The following REV3L variants were observed in gnomAD, a reference collection of about 807,000 sequenced individuals.
The protein encoded by REV3L is DNA polymerase zeta catalytic subunit.
REV3L carries 69 observed loss-of-function variants against 299.4 expected under a neutral mutation model. The observed-to-expected ratio is 0.23, with a 90% confidence interval of 0.19 to 0.28. The LOEUF is 0.28. Among genes scored for constraint, REV3L ranks in the 10% least tolerant of loss-of-function variants. The probability of loss-of-function intolerance (pLI) is 1.00; values close to 1 mark genes in which losing one functional copy is unlikely to be tolerated. For missense variants in REV3L, 3,128 were observed against 3,693.8 expected (o/e 0.85, Z 3.97); for synonymous variants, 1,238 against 1,271.4 (o/e 0.97, Z 0.56).
Position 111,405,522 on chromosome 6 carries a change from G to A in REV3L, c.513C>T (p.Gly171=), listed in dbSNP as rs767870575. The change falls in exon 4 of 32, where the codon GGC becomes GGT. Residue 171 remains glycine, a synonymous_variant. Transcript: ENST00000368802. ...LQLFIDYNLY[G]MNLINLAAVK... ...CAGCAGCCAGATTTATTAAATTCAT[G>A]CCATAAAGATTGTAGTCAATGAAGA... is the stretch of plus-strand genomic sequence containing the variant. 9 of 1,606,790 alleles carry A rather than the reference G, an allele frequency of 5.6e-6. No individual in the cohort carries two copies. Among genetic ancestry groups the A allele is most frequent in the Non-Finnish European group, 7.6e-6 (9 of 1,176,994 alleles).
chr6:111,303,685 TTTTAACAGACTATGAC>T lies in REV3L; in HGVS notation c.9253-3545_9253-3530del, dbSNP rs1418112220. The stretch of plus-strand genomic sequence containing the variant: ...CCCAGCCGAGGCTTTTTTTTTTTTT[TTTTAACAGACTATGAC>T]TTTTTTTTTTTTTTTTTTTTTTTTT... On this transcript the variant is annotated intron_variant, in intron 31 of 31. Transcript: ENST00000368802. Among the ~76,000 whole-genome samples, 36 of 83,884 alleles carry T rather than the reference TTTTAACAGACTATGAC, an allele frequency of 4.3e-4. 7 individuals are homozygous for T. Among genetic ancestry groups the T allele is most frequent in the East Asian group, 2.1e-3 (6 of 2,878 alleles). The allele number at this position is 83,884 out of a possible 152,430, so 55.0% of individuals were successfully genotyped here.
chr6:111,363,868 T>C lies in REV3L; in HGVS notation c.6864A>G (p.Ala2288=), dbSNP rs1183108834. Residue 2288 remains alanine (A), a synonymous_variant, in exon 16 of 32, where the codon GCA becomes GCG. Transcript: ENST00000368802. ...FKVSIQNLQE[A]KALHEIQNLT... ...GCAGTTTTACCTCATGTAAAGCTTT[T>C]GCCTCCTGTAAGTTTTGTATGCTGA... 2.5e-6 allele frequency: 4 copies of C among 1,613,452 alleles called. No individual in the cohort carries two copies. Among genetic ancestry groups the C allele is most frequent in the Non-Finnish European group, 3.4e-6 (4 of 1,179,686 alleles).
At chr6:111,330,101 T>G (rs559014074) in intron 24 of REV3L, among the ~76,000 whole-genome samples, 1 of 152,318 alleles carries the variant, frequency 6.6e-6, no homozygotes, top group South Asian at 2.1e-4. Flanking sequence ...ACATGGGACT[T>G]GTATCACTCA....
rs1447791172 is a variant in REV3L at position 111,373,507 on chromosome 6, T to C, written c.4848A>G (p.Val1616=). ...AAAAAAAGATGGGACTATCATCTGA[T>C]ACAGAGTTATCCAACTGGCTAGAGT... ...LQNSSQLDNS[V]SDDSPIFFSD... is the part of the protein sequence containing the mutation. The change falls in exon 13 of 32, where the codon GTA becomes GTG. Residue 1616 remains valine (V), a synonymous_variant. Coordinates refer to ENST00000368802, the MANE Select transcript of REV3L (RefSeq NM_001372078.1). The C allele has an allele frequency of 6.2e-7, 1 of 1,613,550 alleles. No individual in the cohort carries two copies. Among genetic ancestry groups the C allele is most frequent in the Admixed American group, 1.7e-5 (1 of 59,882 alleles).
chr6:111,304,572 A>C (rs1206168206), intron 31 of REV3L, among the ~76,000 whole-genome samples: 1 of 152,074 alleles, frequency 6.6e-6, no homozygotes, highest in Admixed American at 6.6e-5. Context: ...AGCTCTTGAA[A>C]GATGACAAAC....
intron 31 of REV3L, among the ~76,000 whole-genome samples, chr6:111,305,886 C>T (rs192633434): frequency 4.6e-5 from 7 of 152,216 alleles, no homozygotes; most frequent in Non-Finnish European, 8.8e-5. Context: ...GCTGGGAGCA[C>T]CCAGTGACTT....
Position 111,299,956 on chromosome 6 carries a change from C to T in REV3L, c.*60G>A. 6.6e-7 allele frequency: 1 copy of T among 1,521,186 alleles called. No homozygotes were observed. The highest frequency in any genetic ancestry group is 1.3e-5 in the South Asian group (1 of 79,092). 94.2% of individuals were successfully genotyped at this position (1,521,186 alleles called of 1,614,324 possible). A position where few individuals can be genotyped will look rare whatever the true frequency, so the allele number is the denominator to read the frequency against. On this transcript the variant is annotated 3_prime_UTR_variant, in exon 32 of 32. Coordinates refer to ENST00000368802, the MANE Select transcript of REV3L (RefSeq NM_001372078.1). ...GATGAAAGTTAAAAAGCACCATGCA[C>T]AACAGTTTAGTGGTAAGCACTGAAA...
intron 1 of REV3L, among the ~76,000 whole-genome samples, chr6:111,453,755 G>A (rs1789829604): frequency 6.6e-6 from 1 of 152,070 alleles, no homozygotes; most frequent in African/African-American, 2.4e-5. Flanking sequence ...AGGCTGAGGC[G>A]GGTAGATCAC....
At position 111,381,352 on chromosome 6, in the gene REV3L, G is replaced by T. The variant is rs140541941; in HGVS notation, c.1189C>A (p.Gln397Lys). ...AAAACAGGTGACTCACTCAGTCTTT[G>T]GGTCAAAGGCTGAAAAGTCTGACTA... ...ENSQTFQPLTQRLSESPVFMD... is the reference protein window; with the variant it reads ...ENSQTFQPLTKRLSESPVFMD... The change falls in exon 10 of 32, where the codon CAA (glutamine) becomes AAA (lysine). Residue 397 changes from glutamine (Q) to lysine (K), a missense_variant. Coordinates refer to ENST00000368802, the MANE Select transcript of REV3L (RefSeq NM_001372078.1). 1 of 1,613,388 alleles carries T rather than the reference G, an allele frequency of 6.2e-7. No homozygotes were observed. The highest frequency in any genetic ancestry group is 8.5e-7 in the Non-Finnish European group (1 of 1,179,836).
intron 13 of REV3L, among the ~76,000 whole-genome samples, chr6:111,370,077 C>T (rs1562198460): frequency 6.6e-6 from 1 of 152,142 alleles, no homozygotes; most frequent in Non-Finnish European, 1.5e-5. Flanking sequence ...GTGATCTGCC[C>T]ACCTTGGCCT....
chr6:111,427,818 A>G (rs1786365874), intron 1 of REV3L, among the ~76,000 whole-genome samples: 1 of 152,166 alleles, frequency 6.6e-6, no homozygotes. Flanking sequence ...ACCACCAGAA[A>G]TAAAGAGAAG....
intron 1 of REV3L, among the ~76,000 whole-genome samples, chr6:111,465,560 C>A (rs1301394739): frequency 6.6e-6 from 1 of 150,588 alleles, no homozygotes; most frequent in Non-Finnish European, 1.5e-5. Flanking sequence ...ATGGTGAAAC[C>A]CCATCTCTTC....
intron 1 of REV3L, among the ~76,000 whole-genome samples, chr6:111,449,560 AT>A (rs774877222): frequency 1.3e-5 from 2 of 152,216 alleles, no homozygotes; most frequent in Non-Finnish European, 2.9e-5. Context: ...GGAATAACTT[AT>A]GTTTCATCTA....
At position 111,387,910 on chromosome 6, in the gene REV3L, T is replaced by C. The variant is rs776769825; in HGVS notation, c.951A>G (p.Thr317=). 3.1e-6 allele frequency: 5 copies of C among 1,613,832 alleles called. No homozygotes were observed. In the South Asian group the frequency reaches 3.3e-5, roughly 11 times the overall value. Residue 317 remains threonine (T), a synonymous_variant, in exon 9 of 32, where the codon ACA becomes ACG. Coordinates refer to ENST00000368802, the MANE Select transcript of REV3L (RefSeq NM_001372078.1). The part of the protein sequence containing the change: ...EILKQNDFSV[T]LSGSVDYSDG... ...CGCTGTAGTCCACAGATCCTGATAATGTTCTGCTTAATTAAAACATATCCT... is the reference window on the plus strand; with the variant it reads ...CGCTGTAGTCCACAGATCCTGATAACGTTCTGCTTAATTAAAACATATCCT...
chr6:111,367,342 A>G lies in REV3L; in HGVS notation c.6446T>C (p.Val2149Ala). The change falls in exon 14 of 32, where the codon GTA becomes GCA. Residue 2149 changes from valine to alanine, a missense_variant. Around this residue, in one of 9 missense-constraint regions of REV3L, gnomAD observed 2,409 missense variants for 2,611.8 expected, o/e 0.92. Coordinates refer to ENST00000368802, the MANE Select transcript of REV3L (RefSeq NM_001372078.1). ...LNGDDRPSSP[V>A]EELPSLAFEN... ...AAAAGCCAATGAAGGCAGCTCCTCT[A>G]CTGGTGATGAGGGTCTATCATCTCC... is the stretch of plus-strand genomic sequence containing the variant. 1 of 1,607,486 alleles carries G rather than the reference A, an allele frequency of 6.2e-7. No individual in the cohort carries two copies. Among genetic ancestry groups the G allele is most frequent in the Non-Finnish European group, 8.5e-7 (1 of 1,177,608 alleles).
intron 1 of REV3L, chr6:111,430,618 G>C (rs1786786634): frequency 2.0e-6 from 3 of 1,527,828 alleles, no homozygotes; most frequent in Admixed American, 1.7e-5. Context: ...ACCTCGCAGA[G>C]TGGGGAGGAC....
intron 31 of REV3L, among the ~76,000 whole-genome samples, chr6:111,303,671 CTTT>C (rs144753407): frequency 5.3e-5 from 3 of 56,098 alleles, no homozygotes; most frequent in African/African-American, 7.4e-5. Flanking sequence ...CCAGCCGAGG[CTTT>C]TTTTTTTTTT....
In REV3L at chr6:111,300,025, G is replaced by A. The variant is rs746263273; in HGVS notation, c.9384C>T (p.Asp3128=). The change falls in exon 32 of 32, where the codon GAC becomes GAT. Residue 3128 remains aspartate (D), a synonymous_variant. Coordinates refer to ENST00000368802, the MANE Select transcript of REV3L (RefSeq NM_001372078.1). ...SKAPYLRQLL[D]QF ...CTGTGATATTGACAATTTAAAACTG[G>A]TCTAATAACTGCCGGAGATATGGTG... The A allele has an allele frequency of 5.0e-6, 8 of 1,612,718 alleles. No individual in the cohort carries two copies. The South Asian group carries it at 7.7e-5, about 16-fold the overall frequency.
intron 1 of REV3L, among the ~76,000 whole-genome samples, chr6:111,465,407 A>G (rs919199784): frequency 6.6e-6 from 1 of 151,782 alleles, no homozygotes; most frequent in South Asian, 2.1e-4. Flanking sequence ...ATAAAATTAC[A>G]AGAGTGAAAA....
Sources: gnomAD v4.1 joint callset for allele counts (sites outside exome capture counted in the v4.1 genomes callset) on GRCh38, gnomAD v4.1.1 for gene constraint, gnomAD v4.1.1 regional missense constraint, MANE v1.5 for transcripts, NCBI Gene and HGNC (gene_info 2026-07-23, HGNC 2026-07-21) for gene names.